Variants in GABBR2 observed in about 807,000 individuals in gnomAD.
GABBR2 encodes the protein G-protein coupled receptor 51.
In GABBR2, 23 loss-of-function variants were observed where a neutral mutation model predicts 105.6. The ratio of observed to expected loss-of-function variants is 0.22; its 90% CI spans 0.16 to 0.31. The LOEUF (loss-of-function observed/expected upper bound fraction) is 0.31, where lower values mean the gene tolerates loss of function less well. GABBR2 is among the 10% of genes least tolerant of loss of function. GABBR2 has a pLI of 1.00. For missense variants in GABBR2, 734 were observed against 1,245.5 expected (o/e 0.59, Z 6.18); for synonymous variants, 478 against 499.7 (o/e 0.96, Z 0.58).
chr9:98,544,968 T>C (rs1047462311), intron 2 of GABBR2, among the ~76,000 whole-genome samples: 5 of 152,124 alleles, frequency 3.3e-5, no homozygotes, highest in African/African-American at 1.2e-4. Context: ...TGCTCACCAG[T>C]GGGAGAAGGA....
chr9:98,639,451 G>A (rs1390622271), intron 1 of GABBR2, among the ~76,000 whole-genome samples: 1 of 152,082 alleles, frequency 6.6e-6, no homozygotes, highest in African/African-American at 2.4e-5. Flanking sequence ...GGACTTTAGG[G>A]ACCCAGGGCC....
chr9:98,437,166 G>A (rs1825941894), intron 7 of GABBR2, among the ~76,000 whole-genome samples: 1 of 152,144 alleles, frequency 6.6e-6, no homozygotes, highest in African/African-American at 2.4e-5. Flanking sequence ...TACAGAAAAG[G>A]AGTCAAAATA....
chr9:98,666,455 C>T (rs1442652459), intron 1 of GABBR2, among the ~76,000 whole-genome samples: 6 of 152,230 alleles, frequency 3.9e-5, no homozygotes, highest in African/African-American at 1.4e-4. Flanking sequence ...TTACTGTCAT[C>T]ATGGAACTAT....
intron 3 of GABBR2, among the ~76,000 whole-genome samples, chr9:98,518,858 T>C (rs1827812210): frequency 6.6e-6 from 1 of 152,150 alleles, no homozygotes; most frequent in South Asian, 2.1e-4. Flanking sequence ...GTGCTGAGTG[T>C]GTGCCCTGGG....
intron 1 of GABBR2, among the ~76,000 whole-genome samples, chr9:98,579,649 G>A (rs1294334283): frequency 6.6e-6 from 1 of 152,178 alleles, no homozygotes; most frequent in African/African-American, 2.4e-5. Context: ...AATCGATAGT[G>A]AACACATGTC....
intron 7 of GABBR2, among the ~76,000 whole-genome samples, chr9:98,435,131 C>G (rs192702334): frequency 3.3e-4 from 50 of 152,306 alleles, no homozygotes; most frequent in Non-Finnish European, 6.0e-4. Flanking sequence ...CCTTCTGGAC[C>G]TGATCTTTGC....
At chr9:98,351,605 T>C (rs1166201919) in intron 13 of GABBR2, among the ~76,000 whole-genome samples, 2 of 152,222 alleles carry the variant, frequency 1.3e-5, no homozygotes, top group African/African-American at 4.8e-5. Context: ...TTTTTGAAGC[T>C]CTCAATTGTG....
At chr9:98,630,827 T>A (rs1376374361) in intron 1 of GABBR2, among the ~76,000 whole-genome samples, 2 of 152,170 alleles carry the variant, frequency 1.3e-5, no homozygotes, top group Non-Finnish European at 2.9e-5. Flanking sequence ...ACTATAGAGC[T>A]GCACCGTCCA....
At chr9:98,310,050 G>C (rs1830611942) in intron 14 of GABBR2, among the ~76,000 whole-genome samples, 1 of 152,140 alleles carries the variant, frequency 6.6e-6, no homozygotes, top group African/African-American at 2.4e-5. Context: ...GGTGAATGGT[G>C]ACTTAACCTC....
chr9:98,477,008 G>A (rs1826806656), intron 5 of GABBR2, among the ~76,000 whole-genome samples: 1 of 152,200 alleles, frequency 6.6e-6, no homozygotes, highest in Admixed American at 6.5e-5. Context: ...CTCCATTGCA[G>A]TATTCCTATG....
At chr9:98,629,946 GT>G (rs375116930) in intron 1 of GABBR2, among the ~76,000 whole-genome samples, 1 of 151,780 alleles carries the variant, frequency 6.6e-6, no homozygotes, top group Non-Finnish European at 1.5e-5. Flanking sequence ...AATCTACAAG[GT>G]TTTTTTTCTT....
intron 1 of GABBR2, among the ~76,000 whole-genome samples, chr9:98,682,431 A>G (rs1231793520): frequency 8.1e-6 from 1 of 123,296 alleles, no homozygotes; most frequent in African/African-American, 3.1e-5. Context: ...GCTAGACTAC[A>G]GTGGCATGAT....
chr9:98,679,512 T>C (rs1830514502), intron 1 of GABBR2, among the ~76,000 whole-genome samples: 1 of 152,234 alleles, frequency 6.6e-6, no homozygotes, highest in Admixed American at 6.5e-5. Context: ...AGAATTTCTA[T>C]GAAAAGGGCT....
intron 10 of GABBR2, among the ~76,000 whole-genome samples, chr9:98,386,652 C>G (rs1832078361): frequency 6.6e-6 from 1 of 152,218 alleles, no homozygotes. Flanking sequence ...GCCCCCCCAG[C>G]ACAATCAGCT....
intron 6 of GABBR2, among the ~76,000 whole-genome samples, chr9:98,467,455 G>C (rs945213108): frequency 2.6e-5 from 4 of 151,902 alleles, no homozygotes; most frequent in African/African-American, 9.7e-5. Context: ...GCAAGGAATG[G>C]GAGCTTTGTG....
At chr9:98,697,166 T>G (rs1470085438) in intron 1 of GABBR2, among the ~76,000 whole-genome samples, 1 of 152,074 alleles carries the variant, frequency 6.6e-6, no homozygotes, top group East Asian at 1.9e-4. Context: ...TCACATAAGC[T>G]CTCTAAGCCT....
chr9:98,521,599 C>G (rs1473677463), intron 3 of GABBR2, among the ~76,000 whole-genome samples: 5 of 152,152 alleles, frequency 3.3e-5, no homozygotes, highest in African/African-American at 1.2e-4. Context: ...CTCTGCACAT[C>G]TGGAGCAGCT....
intron 3 of GABBR2, among the ~76,000 whole-genome samples, chr9:98,513,409 A>G (rs1827691995): frequency 6.6e-6 from 1 of 152,164 alleles, no homozygotes; most frequent in Non-Finnish European, 1.5e-5. Context: ...GACAAATGGG[A>G]TCTAATTAAA....
chr9:98,334,685 C>G (rs72759635), intron 13 of GABBR2, among the ~76,000 whole-genome samples: 33 of 152,108 alleles, frequency 2.2e-4, no homozygotes, highest in Non-Finnish European at 3.5e-4. Context: ...TGGGCAGGAC[C>G]AGCAATGATC....
Sources: gnomAD v4.1 joint callset for allele counts (sites outside exome capture counted in the v4.1 genomes callset) on GRCh38, gnomAD v4.1.1 for gene constraint, MANE v1.5 for transcripts, NCBI Gene and HGNC (gene_info 2026-07-23, HGNC 2026-07-21) for gene names.